FGF12: variants seen among roughly 807,000 people sequenced by gnomAD.
FGF12 encodes fibroblast growth factor 12, also known as fibroblast growth factor 12B.
A neutral mutation model predicts 23.6 loss-of-function variants in FGF12; 14 were observed. That is an observed-to-expected ratio of 0.59 (90% CI 0.39 to 0.93). FGF12 has a LOEUF of 0.93. FGF12 is among the 40% of genes least tolerant of loss of function. The pLI is 0.00. For synonymous variants in FGF12, 62 were observed against 77.3 expected (o/e 0.80, Z 1.04); for missense variants, 175 against 217.8 (o/e 0.80, Z 1.24).
At position 192,702,844 on chromosome 3, in the gene FGF12, G is replaced by A. The variant is rs138893204; in HGVS notation, c.13+24337C>T. On this transcript the variant is annotated intron_variant, in intron 2 of 5. Coordinates refer to ENST00000445105, the MANE Select transcript of FGF12 (RefSeq NM_004113.6). Reference sequence around the variant, plus strand: ...AAAAAACTAGTCTAAGTCATTTTAGGCAAAACTTTCAGAAATTTTAAAGAG... The same window carrying A: ...AAAAAACTAGTCTAAGTCATTTTAGACAAAACTTTCAGAAATTTTAAAGAG... Among the ~76,000 whole-genome samples, 9 of 151,978 alleles carry A rather than the reference G, an allele frequency of 5.9e-5. No homozygotes were observed. In the East Asian group the frequency reaches 1.7e-3, roughly 29 times the overall value.
At chr3:192,158,342 C>CTTTCTT (rs1714570229) in intron 5 of FGF12, among the ~76,000 whole-genome samples, 2 of 79,460 alleles carry the variant, frequency 2.5e-5, no homozygotes, top group African/African-American at 1.2e-4. Context: ...CTCTTTCTTT[C>CTTTCTT]TTTCTTTCTT....
chr3:192,158,371 T>TTTCTTTCTTTC (rs1186075901), intron 5 of FGF12, among the ~76,000 whole-genome samples: 5 of 119,076 alleles, frequency 4.2e-5, no homozygotes, highest in South Asian at 2.6e-4. Context: ...TCTTTCTTTC[T>TTTCTTTCTTTC]TTCTTTCTTT....
At chr3:192,310,050 A>G (rs1273647859) in intron 4 of FGF12, among the ~76,000 whole-genome samples, 2 of 152,204 alleles carry the variant, frequency 1.3e-5, no homozygotes, top group Non-Finnish European at 2.9e-5. Context: ...AATGAGTGAA[A>G]GTAATATTGA....
intron 2 of FGF12, among the ~76,000 whole-genome samples, chr3:192,642,781 G>A (rs956417095): frequency 3.9e-5 from 6 of 152,154 alleles, no homozygotes; most frequent in African/African-American, 1.2e-4. Context: ...CATGAAATCC[G>A]TTTTGATGGG....
At chr3:192,254,957 AT>A (rs1454341172) in intron 4 of FGF12, among the ~76,000 whole-genome samples, 2 of 152,106 alleles carry the variant, frequency 1.3e-5, no homozygotes, top group Admixed American at 6.6e-5. Flanking sequence ...CTGCAAATGC[AT>A]ATCATGCCAT....
chr3:192,159,102 C>T (rs1714720466), intron 5 of FGF12, among the ~76,000 whole-genome samples: 1 of 152,190 alleles, frequency 6.6e-6, no homozygotes, highest in Non-Finnish European at 1.5e-5. Flanking sequence ...CATTTCTCTA[C>T]TTCCTTTTTA....
At chr3:192,403,255 CTCAA>C (rs2108772361) in intron 2 of FGF12, among the ~76,000 whole-genome samples, 1 of 152,248 alleles carries the variant, frequency 6.6e-6, no homozygotes, top group South Asian at 2.1e-4. Flanking sequence ...CTATTGCTTC[CTCAA>C]ATGCAGAGAC....
At position 192,143,706 on chromosome 3, in the gene FGF12, C is replaced by A; in HGVS notation, c.*303G>T. On this transcript the variant is annotated 3_prime_UTR_variant, in exon 6 of 6. Coordinates refer to ENST00000445105, the MANE Select transcript of FGF12 (RefSeq NM_004113.6). ...TTATTAATGTCTTCATTACAATTAG[C>A]CTTCTACTAATAACAATACAGTTTA... 4.1e-6 allele frequency: 1 copy of A among 243,706 alleles called. No homozygotes were observed. Among genetic ancestry groups the A allele is most frequent in the South Asian group, 1.1e-4 (1 of 9,422 alleles). 15.1% of individuals were successfully genotyped at this position (243,706 alleles called of 1,614,324 possible).
chr3:192,345,387 GCTCTTAAGAT>G (rs1717904147), intron 3 of FGF12, among the ~76,000 whole-genome samples: 1 of 152,118 alleles, frequency 6.6e-6, no homozygotes, highest in Non-Finnish European at 1.5e-5. Flanking sequence ...AAATATTGTT[GCTCTTAAGAT>G]ATAACATAGG....
intron 4 of FGF12, among the ~76,000 whole-genome samples, chr3:192,250,737 G>C (rs1020504914): frequency 6.6e-6 from 1 of 151,816 alleles, no homozygotes; most frequent in Non-Finnish European, 1.5e-5. Context: ...AGCTTTCTTT[G>C]TGCTGTAAAG....
At chr3:192,644,472 C>T (rs1715926888) in intron 2 of FGF12, among the ~76,000 whole-genome samples, 1 of 152,058 alleles carries the variant, frequency 6.6e-6, no homozygotes, top group African/African-American at 2.4e-5. Flanking sequence ...ATGGTTTCAT[C>T]ATGATTCACC....
chr3:192,149,473 C>T (rs544264227), intron 5 of FGF12, among the ~76,000 whole-genome samples: 17 of 114,568 alleles, frequency 1.5e-4, no homozygotes, highest in Non-Finnish European at 2.7e-4. Flanking sequence ...CCTCCCCCCA[C>T]CCCACAACAG....
intron 4 of FGF12, among the ~76,000 whole-genome samples, chr3:192,244,182 T>C (rs2108598084): frequency 6.6e-6 from 1 of 152,262 alleles, no homozygotes; most frequent in South Asian, 2.1e-4. Context: ...TTACAAATAT[T>C]CTGCTTTCTG....
intron 4 of FGF12, among the ~76,000 whole-genome samples, chr3:192,218,375 T>C (rs1026540208): frequency 6.6e-6 from 1 of 152,178 alleles, no homozygotes; most frequent in Non-Finnish European, 1.5e-5. Flanking sequence ...TCCCCAATGT[T>C]GGAGGAAGGG....
chr3:192,686,868 A>G (rs1208114354), intron 2 of FGF12, among the ~76,000 whole-genome samples: 2 of 115,274 alleles, frequency 1.7e-5, no homozygotes, highest in Non-Finnish European at 3.2e-5. Context: ...TCCCTCTGTC[A>G]CACAGGCTGG....
chr3:192,709,656 T>C (rs1056954584), intron 2 of FGF12, among the ~76,000 whole-genome samples: 4 of 152,218 alleles, frequency 2.6e-5, no homozygotes, highest in African/African-American at 7.2e-5. Flanking sequence ...GACTCTATTA[T>C]GGTGCTGGGA....
intron 2 of FGF12, among the ~76,000 whole-genome samples, chr3:192,374,932 T>A (rs1347146199): frequency 6.6e-6 from 1 of 152,202 alleles, no homozygotes; most frequent in East Asian, 1.9e-4. Flanking sequence ...ACCATTACAG[T>A]CATCTCTTTA....
intron 4 of FGF12, among the ~76,000 whole-genome samples, chr3:192,214,529 T>G (rs4687295): frequency 0.33 from 49,985 of 152,136 alleles, 9,387 homozygotes; most frequent in East Asian, 0.89. Flanking sequence ...GGTCTATATG[T>G]GTGTTACAGT....
At chr3:192,320,230 A>T (rs190795897) in intron 4 of FGF12, among the ~76,000 whole-genome samples, 40 of 152,184 alleles carry the variant, frequency 2.6e-4, no homozygotes, top group African/African-American at 9.4e-4. Context: ...TCAAGACAAA[A>T]ACCATAAAGA....
Sources: allele counts gnomAD v4.1 joint callset (sites outside exome capture counted in the v4.1 genomes callset), GRCh38; gene constraint gnomAD v4.1.1; transcripts MANE v1.5; gene names NCBI Gene and HGNC (gene_info 2026-07-23, HGNC 2026-07-21).